ANXA10: variants seen among roughly 807,000 people sequenced by gnomAD.
The protein encoded by ANXA10 is annexin A10.
ANXA10 carries 49 observed loss-of-function variants against 53.5 expected under a neutral mutation model. The observed-to-expected ratio is 0.92, with a 90% CI of 0.73 to 1.16. ANXA10 has a LOEUF of 1.16. Among genes scored for constraint, ANXA10 ranks in the 50% most tolerant of loss-of-function variants. The pLI is 0.00. For missense variants in ANXA10, 393 were observed against 394.4 expected (o/e 1.00, Z 0.03); for synonymous variants, 131 against 128.9 (o/e 1.02, Z -0.11).
chr4:168,107,888 T>G (rs910706575), intron 1 of ANXA10, among the ~76,000 whole-genome samples: 1 of 152,158 alleles, frequency 6.6e-6, no homozygotes, highest in Admixed American at 6.5e-5. Flanking sequence ...CATATTAATT[T>G]TGGGGGACAT....
intron 6 of ANXA10, among the ~76,000 whole-genome samples, chr4:168,172,193 TC>T (rs1732004312): frequency 6.6e-6 from 1 of 152,234 alleles, no homozygotes; most frequent in Admixed American, 6.5e-5. Context: ...CCAGCTTGAC[TC>T]TGCCTTTGTC....
intron 3 of ANXA10, among the ~76,000 whole-genome samples, chr4:168,158,779 T>C (rs1249936178): frequency 6.6e-6 from 1 of 152,216 alleles, no homozygotes; most frequent in African/African-American, 2.4e-5. Context: ...TCTCAAATGC[T>C]TTTGCTACAT....
chr4:168,138,485 G>T (rs1731275693), intron 2 of ANXA10, among the ~76,000 whole-genome samples: 1 of 151,902 alleles, frequency 6.6e-6, no homozygotes, highest in Non-Finnish European at 1.5e-5. Flanking sequence ...ATGCTGTTTT[G>T]ATTACTATAG....
intron 6 of ANXA10, among the ~76,000 whole-genome samples, chr4:168,167,835 C>G (rs2149478228): frequency 6.6e-6 from 1 of 152,250 alleles, no homozygotes; most frequent in South Asian, 2.1e-4. Flanking sequence ...CTTGAAGGAT[C>G]TCTTAGAAGG....
At chr4:168,161,226 TA>T (rs1478309879) in intron 3 of ANXA10, among the ~76,000 whole-genome samples, 2 of 152,232 alleles carry the variant, frequency 1.3e-5, no homozygotes, top group African/African-American at 4.8e-5. Context: ...CATCTTGAGT[TA>T]ATTTTTGTAT....
At chr4:168,127,965 C>T (rs1313900216) in intron 1 of ANXA10, 119 bp from the exon 2 acceptor site, 1 of 821,372 alleles carries the variant, frequency 1.2e-6, no homozygotes, top group Non-Finnish European at 2.0e-6. Flanking sequence ...TTCAGGTGAT[C>T]CACCCACCTC....
At chr4:168,132,603 A>G (rs1292621768) in intron 2 of ANXA10, among the ~76,000 whole-genome samples, 1 of 152,092 alleles carries the variant, frequency 6.6e-6, no homozygotes, top group Non-Finnish European at 1.5e-5. Flanking sequence ...ATAACTGTGT[A>G]TTTTAAAATA....
Position 168,177,961 on chromosome 4 carries a change from G to A in ANXA10, c.606G>A (p.Lys202=). The A allele has an allele frequency of 1.2e-6, 2 of 1,613,728 alleles. No individual in the cohort carries two copies. The highest frequency in any genetic ancestry group is 8.5e-7 in the Non-Finnish European group (1 of 1,180,016). ...KTMLQMILCN[K]SYQQLRLVFQ... The stretch of plus-strand genomic sequence containing the variant: ...TGCTGCAAATGATCCTGTGCAACAA[G>A]AGCTACCAGCAGCTGCGGCTGGGTA... Residue 202 remains lysine, a synonymous_variant, in exon 8 of 12, where the codon AAG becomes AAA. Coordinates refer to ENST00000359299, the MANE Select transcript of ANXA10 (RefSeq NM_007193.5).
intron 1 of ANXA10, among the ~76,000 whole-genome samples, chr4:168,118,378 C>G (rs1730931530): frequency 6.6e-6 from 1 of 152,180 alleles, no homozygotes; most frequent in South Asian, 2.1e-4. Flanking sequence ...CATGTATTTT[C>G]TATTTCAGGG....
intron 6 of ANXA10, among the ~76,000 whole-genome samples, chr4:168,166,631 CGTGTGTGTGTGTGTGTGT>C (rs34797848): frequency 0.022 from 2,984 of 136,790 alleles, 82 homozygotes; most frequent in African/African-American, 0.073. Context: ...TTTTGTGTTT[CGTGTGTGTGTGTGTGTGT>C]GTGTGTGTGT....
chr4:168,148,403 G>A (rs1731439899), intron 3 of ANXA10, among the ~76,000 whole-genome samples: 1 of 152,146 alleles, frequency 6.6e-6, no homozygotes, highest in Non-Finnish European at 1.5e-5. Flanking sequence ...CTGACCTTGT[G>A]ATCCACCCGC....
Position 168,149,520 on chromosome 4 carries a change from C to T in ANXA10, c.195+9940C>T, listed in dbSNP as rs1731461563. 2.0e-5 allele frequency among the ~76,000 whole-genome samples: 3 copies of T among 152,016 alleles called. No homozygotes were observed. In the South Asian group the frequency reaches 6.2e-4, roughly 32 times the overall value. ...TAATGATCTCAAATTCATGGGGTTTCAATTCTGATTGTTGCAGAGTCCACT... is the reference window on the plus strand; with the variant it reads ...TAATGATCTCAAATTCATGGGGTTTTAATTCTGATTGTTGCAGAGTCCACT... On this transcript the variant is annotated intron_variant, in intron 3 of 11. Coordinates refer to ENST00000359299, the MANE Select transcript of ANXA10 (RefSeq NM_007193.5).
chr4:168,133,603 G>A (rs1454376657), intron 2 of ANXA10, among the ~76,000 whole-genome samples: 1 of 152,050 alleles, frequency 6.6e-6, no homozygotes, highest in East Asian at 1.9e-4. Context: ...AGGCTATCTG[G>A]AAGTATAGTT....
At chr4:168,105,822 AGAT>A (rs1392471226) in intron 1 of ANXA10, among the ~76,000 whole-genome samples, 2 of 152,082 alleles carry the variant, frequency 1.3e-5, no homozygotes, top group Non-Finnish European at 2.9e-5. Flanking sequence ...GATTGGTGTG[AGAT>A]GATATCTTAT....
intron 9 of ANXA10, among the ~76,000 whole-genome samples, chr4:168,180,030 C>G (rs1482585129): frequency 6.6e-6 from 1 of 152,040 alleles, no homozygotes; most frequent in Non-Finnish European, 1.5e-5. Context: ...CACTTAGATA[C>G]TAGTTGAATA....
intron 3 of ANXA10, among the ~76,000 whole-genome samples, chr4:168,145,241 G>T (rs752036886): frequency 2.0e-5 from 3 of 152,054 alleles, no homozygotes; most frequent in Non-Finnish European, 2.9e-5. Context: ...ATTGCTTCCC[G>T]GCCTTTTGGA....
chr4:168,097,044 A>C (rs1314133325), intron 1 of ANXA10, among the ~76,000 whole-genome samples: 1 of 151,656 alleles, frequency 6.6e-6, no homozygotes, highest in Non-Finnish European at 1.5e-5. Flanking sequence ...AAGGGGAAAT[A>C]TATTTTCTGT....
At chr4:168,118,183 A>G (rs564457022) in intron 1 of ANXA10, among the ~76,000 whole-genome samples, 8 of 151,832 alleles carry the variant, frequency 5.3e-5, no homozygotes, top group Non-Finnish European at 1.2e-4. Context: ...ATTGAGGACT[A>G]TTGTAAAACT....
At chr4:168,139,141 G>T (rs566266415) in intron 2 of ANXA10, among the ~76,000 whole-genome samples, 1 of 152,232 alleles carries the variant, frequency 6.6e-6, no homozygotes, top group Admixed American at 6.5e-5. Flanking sequence ...TATGTTGAAT[G>T]GGAGTGGAGA....
Sources: allele counts gnomAD v4.1 joint callset (sites outside exome capture counted in the v4.1 genomes callset), GRCh38; gene constraint gnomAD v4.1.1; transcripts MANE v1.5; gene names NCBI Gene and HGNC (gene_info 2026-07-23, HGNC 2026-07-21).